The following GRIN2B variants were observed in gnomAD, a reference collection of about 807,000 sequenced individuals.
GRIN2B encodes the protein glutamate receptor ionotropic, NMDA 2B.
Under a neutral mutation model 114.5 loss-of-function variants are expected in GRIN2B, and 5 were observed. That is an observed-to-expected ratio of 0.04 (90% CI 0.02 to 0.09). The LOEUF is 0.09. GRIN2B is among the 10% of genes least tolerant of loss of function. The pLI, the probability that GRIN2B is intolerant of heterozygous loss-of-function variation, is 1.00. For synonymous variants in GRIN2B, 787 were observed against 745.1 expected, an observed-to-expected ratio of 1.06 and a Z score of -0.92; for missense variants, 1,108 against 1,943.5, an observed-to-expected ratio of 0.57 and a Z score of 8.08.
intron 2 of GRIN2B, among the ~76,000 whole-genome samples, chr12:13,956,224 G>A (rs1230098643): frequency 6.6e-6 from 1 of 152,200 alleles, no homozygotes; most frequent in Non-Finnish European, 1.5e-5. Flanking sequence ...AGCAGAAAGA[G>A]GAGGAAGCAA....
intron 2 of GRIN2B, among the ~76,000 whole-genome samples, chr12:13,944,652 A>G (rs1367175651): frequency 6.6e-6 from 1 of 152,224 alleles, no homozygotes; most frequent in East Asian, 1.9e-4. Context: ...AACAATTAAA[A>G]TGAGCATCAG....
At chr12:13,922,940 G>C (rs1182238017) in intron 2 of GRIN2B, among the ~76,000 whole-genome samples, 1 of 152,118 alleles carries the variant, frequency 6.6e-6, no homozygotes, top group Admixed American at 6.5e-5. Flanking sequence ...AAGACTTTTT[G>C]ATACAAAGAC....
At chr12:13,729,217 G>A (rs1340901537) in intron 4 of GRIN2B, among the ~76,000 whole-genome samples, 1 of 152,198 alleles carries the variant, frequency 6.6e-6, no homozygotes, top group Non-Finnish European at 1.5e-5. Context: ...TTCCCAGCAT[G>A]GGAGTGGCGG....
At chr12:13,587,448 G>GGC (rs1262882096) in intron 10 of GRIN2B, among the ~76,000 whole-genome samples, 1 of 150,610 alleles carries the variant, frequency 6.6e-6, no homozygotes, top group Non-Finnish European at 1.5e-5. Flanking sequence ...GCCTTAACCT[G>GGC]GGCTCAAGCG....
chr12:13,835,771 T>TAAAAA (rs1165005583), intron 3 of GRIN2B, among the ~76,000 whole-genome samples: 62 of 91,426 alleles, frequency 6.8e-4, no homozygotes, highest in African/African-American at 1.5e-3. Context: ...CATAGCACAT[T>TAAAAA]AAAAAAAAAA....
chr12:13,665,244 A>T (rs1281389891), intron 5 of GRIN2B, among the ~76,000 whole-genome samples: 1 of 151,286 alleles, frequency 6.6e-6, no homozygotes, highest in Non-Finnish European at 1.5e-5. Flanking sequence ...TCCCCCCTTT[A>T]TCTTTCTTTC....
At chr12:13,710,120 C>A (rs1436373093) in intron 4 of GRIN2B, among the ~76,000 whole-genome samples, 2 of 151,980 alleles carry the variant, frequency 1.3e-5, no homozygotes, top group Non-Finnish European at 2.9e-5. Context: ...AATGCAACAA[C>A]ATGAGTGAAT....
At chr12:13,940,888 T>G (rs1436196890) in intron 2 of GRIN2B, among the ~76,000 whole-genome samples, 1 of 148,782 alleles carries the variant, frequency 6.7e-6, no homozygotes, top group Non-Finnish European at 1.5e-5. Context: ...TCCACACACC[T>G]TCCAACATGA....
intron 2 of GRIN2B, among the ~76,000 whole-genome samples, chr12:13,874,940 C>A (rs1447431447): frequency 4.6e-5 from 7 of 152,130 alleles, no homozygotes; most frequent in Non-Finnish European, 7.3e-5. Context: ...ACAGCCTGCA[C>A]TAGAGGAGAT....
In GRIN2B at chr12:13,670,703, T is replaced by C. The variant is rs533172479; in HGVS notation, c.1125+5042A>G. Among the ~76,000 whole-genome samples the C allele has an allele frequency of 7.2e-5, 11 of 152,268 alleles. No individual in the cohort carries two copies. In the South Asian group the frequency reaches 2.3e-3, roughly 32 times the overall value. Reference sequence around the variant, plus strand: ...GAGCCCAGTCTGCACACAATGATTTTTTTTTTCACCATTTCTACCCTTTCC... The same window carrying C: ...GAGCCCAGTCTGCACACAATGATTTCTTTTTTCACCATTTCTACCCTTTCC... On this transcript the variant is annotated intron_variant, in intron 5 of 13. Coordinates refer to ENST00000609686, the MANE Select transcript of GRIN2B (RefSeq NM_000834.5).
intron 3 of GRIN2B, among the ~76,000 whole-genome samples, chr12:13,790,675 G>A (rs1195982072): frequency 2.0e-5 from 3 of 152,208 alleles, no homozygotes; most frequent in African/African-American, 2.4e-5. Flanking sequence ...TTGGTTTGAA[G>A]GGGCATGGTC....
intron 3 of GRIN2B, among the ~76,000 whole-genome samples, chr12:13,776,375 G>A (rs1482837126): frequency 1.3e-5 from 2 of 152,006 alleles, no homozygotes; most frequent in Admixed American, 6.6e-5. Context: ...CATGGCACAC[G>A]TTCACCTATG....
chr12:13,941,429 G>C (rs570164162), intron 2 of GRIN2B, among the ~76,000 whole-genome samples: 1 of 152,154 alleles, frequency 6.6e-6, no homozygotes, highest in Admixed American at 6.5e-5. Flanking sequence ...GATGGACAAA[G>C]GGACAAGAAA....
chr12:13,893,834 A>G (rs1184793799), intron 2 of GRIN2B, among the ~76,000 whole-genome samples: 1 of 152,066 alleles, frequency 6.6e-6, no homozygotes, highest in African/African-American at 2.4e-5. Context: ...TTTAAAAAAA[A>G]GAAGGGGGCT....
At chr12:13,611,651 C>A (rs1012935815) in intron 9 of GRIN2B, 74 bp downstream of exon 9, 2 of 1,423,258 alleles carry the variant, frequency 1.4e-6, no homozygotes, top group Admixed American at 1.7e-5. Flanking sequence ...ATGCAGATAA[C>A]AAATGAGGAG....
intron 2 of GRIN2B, among the ~76,000 whole-genome samples, chr12:13,892,728 G>T (rs576722350): frequency 6.6e-6 from 1 of 152,278 alleles, no homozygotes; most frequent in South Asian, 2.1e-4. Context: ...TAACACGGGG[G>T]CCTAAACTAC....
chr12:13,690,824 A>G (rs1950210773), intron 4 of GRIN2B, among the ~76,000 whole-genome samples: 1 of 152,230 alleles, frequency 6.6e-6, no homozygotes, highest in Non-Finnish European at 1.5e-5. Flanking sequence ...TTTTTAGTTT[A>G]GAAACTCAAA....
At chr12:13,595,030 T>G (rs995379065) in intron 10 of GRIN2B, among the ~76,000 whole-genome samples, 5 of 152,116 alleles carry the variant, frequency 3.3e-5, no homozygotes, top group Non-Finnish European at 7.3e-5. Context: ...AAAAGCCCCT[T>G]TTTGATTACC....
chr12:13,702,322 C>T (rs1370061937), intron 4 of GRIN2B, among the ~76,000 whole-genome samples: 1 of 152,150 alleles, frequency 6.6e-6, no homozygotes, highest in Non-Finnish European at 1.5e-5. Flanking sequence ...TATTTGATAA[C>T]TTTATGTGCT....
Sources: allele counts gnomAD v4.1 joint callset (sites outside exome capture counted in the v4.1 genomes callset), GRCh38; gene constraint gnomAD v4.1.1; transcripts MANE v1.5; gene names NCBI Gene and HGNC (gene_info 2026-07-23, HGNC 2026-07-21).